ATXN7L3: variants seen among roughly 807,000 people sequenced by gnomAD.
ATXN7L3 encodes ataxin 7 like 3, also known as ataxin-7-like protein 3.
A neutral mutation model predicts 50.0 loss-of-function variants in ATXN7L3; 6 were observed. That is an observed-to-expected ratio of 0.12 (90% CI 0.07 to 0.24). The LOEUF is 0.24. ATXN7L3 is among the 10% of genes least tolerant of loss of function. The probability of loss-of-function intolerance (pLI) is 1.00; values close to 1 mark genes in which losing one functional copy is unlikely to be tolerated. For missense variants in ATXN7L3, 322 were observed against 451.3 expected (o/e 0.71, Z 2.60); for synonymous variants, 198 against 165.8 (o/e 1.19, Z -1.49).
rs1225579455 is a variant in ATXN7L3, at chr17:44,196,585, C to T, written c.455-167G>A. ...ACGAGGTCAGAAGATCGAGACCATCCTGGCCAATATGGTGAAACCCCATCT... is the reference window on the plus strand; with the variant it reads ...ACGAGGTCAGAAGATCGAGACCATCTTGGCCAATATGGTGAAACCCCATCT... On this transcript the variant is annotated intron_variant, in intron 5 of 12. Coordinates refer to ENST00000587097, the MANE Select transcript of ATXN7L3 (RefSeq NM_001382309.1). Among the ~76,000 whole-genome samples the T allele has an allele frequency of 2.0e-5, 3 of 151,890 alleles. No individual in the cohort carries two copies. In the East Asian group the frequency reaches 5.8e-4, roughly 29 times the overall value.
In ATXN7L3 at chr17:44,192,013, G is replaced by T. The variant is rs1044205858; in HGVS notation, c.*2250C>A. On this transcript the variant is annotated 3_prime_UTR_variant, in exon 13 of 13. Transcript: ENST00000587097. ...GCGGGTGGCCCCTGGGCATGCGGGG[G>T]GGAGTGATGCATGGAAGGAAAAGCC... The T allele has an allele frequency of 1.3e-5, 2 of 152,974 alleles. No individual in the cohort carries two copies. Among genetic ancestry groups the T allele is most frequent in the Admixed American group, 1.3e-4 (2 of 15,280 alleles). The allele number at this position is 152,974 out of a possible 1,614,324, so 9.5% of individuals were successfully genotyped here.
At chr17:44,199,219 C>T (rs1567775984) in intron 1 of ATXN7L3, 1 of 151,606 alleles carries the variant, frequency 6.6e-6, no homozygotes, top group Non-Finnish European at 1.5e-5. Flanking sequence ...TCTCTATTGT[C>T]CCGGGGGCTG....
intron 5 of ATXN7L3, 26 bp downstream of exon 5, chr17:44,196,903 C>T (rs1032960086): frequency 6.4e-7 from 1 of 1,573,488 alleles, no homozygotes; most frequent in Non-Finnish European, 8.7e-7. Flanking sequence ...CCAATGCCCC[C>T]CGGGTTTCCC....
chr17:44,196,549 G>A, intron 5 of ATXN7L3, 131 bp from the exon 6 acceptor site: 1 of 1,148,718 alleles, frequency 8.7e-7, no homozygotes, highest in Non-Finnish European at 1.3e-6. Context: ...GGAGGCCCAG[G>A]CGGGCAGATC....
At chr17:44,195,875 G>A (rs766633952) in intron 7 of ATXN7L3, 47 bp from the exon 8 acceptor site, 8 of 1,592,974 alleles carry the variant, frequency 5.0e-6, no homozygotes, top group Non-Finnish European at 8.5e-7. Flanking sequence ...CAGAGGTACA[G>A]ACAGAGAACC....
At chr17:44,196,278 C>A in intron 6 of ATXN7L3, 118 bp downstream of exon 6, 1 of 858,514 alleles carries the variant, frequency 1.2e-6, no homozygotes, top group South Asian at 1.5e-5. Flanking sequence ...CCACCAAAGA[C>A]ACCCTCAAGC....
At chr17:44,196,340 G>A (rs2055890028) in intron 6 of ATXN7L3, 56 bp downstream of exon 6, 13 of 1,601,564 alleles carry the variant, frequency 8.1e-6, no homozygotes, top group Non-Finnish European at 1.0e-5. Flanking sequence ...CCTGCCCAAA[G>A]GGGAGGGTAT....
intron 1 of ATXN7L3, 66 bp from the exon 2 acceptor site, chr17:44,198,196 T>G: frequency 1.2e-6 from 1 of 868,590 alleles, no homozygotes; most frequent in Non-Finnish European, 1.8e-6. Context: ...CCACCTTCCC[T>G]CCCCACCTCG....
rs956235041 is a variant in ATXN7L3, at chr17:44,199,648, C to T, written c.-213G>A. ...GGCCCGGGGCCGGGGGGTCGGGCCG[C>T]CCCCCCGCCTGGCCGCCTCACCGGG... On this transcript the variant is annotated 5_prime_UTR_variant, in exon 1 of 13. Coordinates refer to ENST00000587097, the MANE Select transcript of ATXN7L3 (RefSeq NM_001382309.1). 4 of 143,800 alleles carry T rather than the reference C, an allele frequency of 2.8e-5. No homozygotes were observed. The highest frequency in any genetic ancestry group is 2.0e-4 in the Admixed American group (3 of 14,790). The allele number at this position is 143,800 out of a possible 1,614,324, so 8.9% of individuals were successfully genotyped here. A position where few individuals can be genotyped will look rare whatever the true frequency, so the allele number is the denominator to read the frequency against.
chr17:44,198,133 G>A lies in ATXN7L3; in HGVS notation c.-60-3C>T. Reference sequence around the variant, plus strand: ...TAGCACAGCGGGCGGCAACACGGCTGCACACACGGGGGTGGGGGTGTTGTT... The same window carrying A: ...TAGCACAGCGGGCGGCAACACGGCTACACACACGGGGGTGGGGGTGTTGTT... On this transcript the variant is annotated splice_polypyrimidine_tract_variant and splice_region_variant and intron_variant, in intron 1 of 12. Coordinates refer to ENST00000587097, the MANE Select transcript of ATXN7L3 (RefSeq NM_001382309.1). 6.6e-7 allele frequency: 1 copy of A among 1,525,780 alleles called. No homozygotes were observed. Among genetic ancestry groups the A allele is most frequent in the South Asian group, 1.1e-5 (1 of 88,530 alleles). The allele number at this position is 1,525,780 out of a possible 1,614,324, so 94.5% of individuals were successfully genotyped here.
intron 2 of ATXN7L3, 65 bp downstream of exon 2, chr17:44,197,955 G>A: frequency 3.8e-6 from 6 of 1,572,146 alleles, no homozygotes; most frequent in Non-Finnish European, 5.2e-6. Flanking sequence ...TGGTGTGGAT[G>A]CCAGATACAG....
chr17:44,196,149 A>T, intron 6 of ATXN7L3, 70 bp from the exon 7 acceptor site: 1 of 1,530,318 alleles, frequency 6.5e-7, no homozygotes, highest in Non-Finnish European at 9.0e-7. Flanking sequence ...CCAGGGAAGG[A>T]AAAAAGATTT....
intron 10 of ATXN7L3, 79 bp downstream of exon 10, chr17:44,195,018 A>G: frequency 5.1e-6 from 8 of 1,556,670 alleles, no homozygotes; most frequent in Non-Finnish European, 6.2e-6. Flanking sequence ...CCATTGCTCA[A>G]GTCCAGGGGT....
In ATXN7L3 at chr17:44,194,024, A is replaced by G; in HGVS notation, c.*239T>C. The G allele has an allele frequency of 1.9e-6, 1 of 531,582 alleles. No individual in the cohort carries two copies. The highest frequency in any genetic ancestry group is 3.3e-6 in the Non-Finnish European group (1 of 304,614). 32.9% of individuals were successfully genotyped at this position (531,582 alleles called of 1,614,324 possible). The stretch of plus-strand genomic sequence containing the variant: ...TAAATAGGAAAACCGCCTCCCCACC[A>G]AACTTATGTCCAAGGCATAATATGT... On this transcript the variant is annotated 3_prime_UTR_variant, in exon 13 of 13. Transcript: ENST00000587097.
rs771422144 is a variant in ATXN7L3, at chr17:44,197,404, G to A, written c.185-5C>T. 5.0e-6 allele frequency: 8 copies of A among 1,589,772 alleles called. 1 individual carries two copies. The South Asian group carries it at 6.8e-5, about 14-fold the overall frequency. On this transcript the variant is annotated splice_polypyrimidine_tract_variant and splice_region_variant and intron_variant, in intron 3 of 12. Transcript: ENST00000587097. ...AGCCCGGCTGGTCCACGATCTCTGG[G>A]GACAGGAGAGGCTGGCGATCAGGGT...
chr17:44,192,318 A>G lies in ATXN7L3; in HGVS notation c.*1945T>C, dbSNP rs753363672. 2 of 152,320 alleles carry G rather than the reference A, an allele frequency of 1.3e-5. No individual in the cohort carries two copies. The highest frequency in any genetic ancestry group is 2.9e-5 in the Non-Finnish European group (2 of 68,092). The allele number at this position is 152,320 out of a possible 1,614,324, so 9.4% of individuals were successfully genotyped here. A position where few individuals can be genotyped will look rare whatever the true frequency, so the allele number is the denominator to read the frequency against. On this transcript the variant is annotated 3_prime_UTR_variant, in exon 13 of 13. Transcript: ENST00000587097. ...GGGGCTCTGCCCTGAGGGCGGGCCA[A>G]GGAACAATGGGGAAGTTTATGTGGA...
chr17:44,197,073 A>G, intron 4 of ATXN7L3, 47 bp from the exon 5 acceptor site: 2 of 1,568,072 alleles, frequency 1.3e-6, no homozygotes, highest in Non-Finnish European at 1.8e-6. Context: ...AGGAAGAGAA[A>G]GGGGTCAAGG....
chr17:44,198,428 G>T, intron 1 of ATXN7L3: 1 of 250,112 alleles, frequency 4.0e-6, no homozygotes, highest in Non-Finnish European at 7.6e-6. Flanking sequence ...TACCCATGGT[G>T]CAATGCAGCA....
At chr17:44,195,209 T>C in intron 9 of ATXN7L3, 69 bp from the exon 10 acceptor site, 1 of 1,538,928 alleles carries the variant, frequency 6.5e-7, no homozygotes, top group Non-Finnish European at 9.0e-7. Flanking sequence ...TGTTTCTTTC[T>C]GTATAAATGC....
Sources: allele counts gnomAD v4.1 joint callset (sites outside exome capture counted in the v4.1 genomes callset), GRCh38; gene constraint gnomAD v4.1.1; transcripts MANE v1.5; gene names NCBI Gene and HGNC (gene_info 2026-07-23, HGNC 2026-07-21).